The following SGK1 variants were observed in gnomAD, a reference collection of about 807,000 sequenced individuals.
SGK1 encodes the protein serine/threonine-protein kinase Sgk1.
In SGK1, 26 loss-of-function variants were observed where a neutral mutation model predicts 64.2. That is an observed-to-expected ratio of 0.40 (90% CI 0.30 to 0.56). The LOEUF is 0.56. Ranked by LOEUF, SGK1 falls within the 20% of genes least tolerant of loss-of-function variation. The probability of loss-of-function intolerance (pLI) is 0.38; values close to 1 mark genes in which losing one functional copy is unlikely to be tolerated. For missense variants in SGK1, 519 were observed against 645.6 expected (o/e 0.80, Z 2.12); for synonymous variants, 265 against 239.7 (o/e 1.11, Z -0.98).
chr6:134,267,650 T>C (rs895491701), intron 1 of SGK1, among the ~76,000 whole-genome samples: 7 of 152,032 alleles, frequency 4.6e-5, no homozygotes, highest in Non-Finnish European at 1.0e-4. Context: ...AAACTATAAG[T>C]AAGAAGGAAA....
chr6:134,242,430 G>A (rs989975626), intron 2 of SGK1, among the ~76,000 whole-genome samples: 7 of 151,878 alleles, frequency 4.6e-5, no homozygotes, highest in African/African-American at 7.3e-5. Flanking sequence ...AGGTTGCAGC[G>A]AGCTGAGATC....
At chr6:134,297,896 A>C in intron 1 of SGK1, 1 of 809,620 alleles carries the variant, frequency 1.2e-6, no homozygotes, top group Non-Finnish European at 2.2e-6. Context: ...TCTCAGCCTC[A>C]CTCCGGCTGC....
chr6:134,262,189 C>A (rs775259333), intron 1 of SGK1, 41 bp from the exon 2 acceptor site: 1 of 1,426,910 alleles, frequency 7.0e-7, no homozygotes, highest in South Asian at 1.3e-5. Flanking sequence ...ATGTGTTTGA[C>A]TCCCTTTGAT....
rs367639804 is a variant in SGK1 at position 134,170,807 on chromosome 6, A to T, written c.1413+19T>A. ...GCCCTTTGGGCTTCTCTATACTTAG[A>T]AGAGAGACAGATACTCACCACATTT... On this transcript the variant is annotated intron_variant, in intron 13 of 13. Transcript: ENST00000367858. 6.7e-7 allele frequency: 1 copy of T among 1,494,012 alleles called. No individual in the cohort carries two copies. Among genetic ancestry groups the T allele is most frequent in the Non-Finnish European group, 9.3e-7 (1 of 1,072,666 alleles). 92.5% of individuals were successfully genotyped at this position (1,494,012 alleles called of 1,614,324 possible). A position where few individuals can be genotyped will look rare whatever the true frequency, so the allele number is the denominator to read the frequency against.
rs75666578 is a variant in SGK1, at chr6:134,313,719, G to A, written c.69+3673C>T. The stretch of plus-strand genomic sequence containing the variant: ...CATTCCACATCCAAAATTCTGCAGC[G>A]TTAGATAGCCTTTCGAATTTTACAA... On this transcript the variant is annotated intron_variant, in intron 1 of 13. Transcript: ENST00000367858. 1.5e-3 allele frequency among the ~76,000 whole-genome samples: 224 copies of A among 152,210 alleles called. 1 individual carries two copies. Among genetic ancestry groups the A allele is most frequent in the African/African-American group, 5.1e-3 (211 of 41,550 alleles).
At chr6:134,174,408 C>G (rs1775140546) in intron 4 of SGK1, 103 bp downstream of exon 4, 2 of 770,686 alleles carry the variant, frequency 2.6e-6, no homozygotes, top group South Asian at 3.2e-5. Flanking sequence ...GATCCCCACC[C>G]CAGAAGAAGT....
chr6:134,296,781 A>AG (rs1224146023), intron 1 of SGK1, among the ~76,000 whole-genome samples: 1 of 147,550 alleles, frequency 6.8e-6, no homozygotes, highest in Non-Finnish European at 1.5e-5. Context: ...TGGACCAAAA[A>AG]AAAAAAAAAA....
At chr6:134,287,843 T>C (rs1335744898) in intron 1 of SGK1, among the ~76,000 whole-genome samples, 6 of 152,210 alleles carry the variant, frequency 3.9e-5, no homozygotes, top group African/African-American at 7.2e-5. Flanking sequence ...TTTTGTTTTG[T>C]TGTTAAAGTA....
intron 2 of SGK1, among the ~76,000 whole-genome samples, chr6:134,246,611 GAC>G (rs1365645498): frequency 6.6e-6 from 1 of 151,904 alleles, no homozygotes; most frequent in East Asian, 1.9e-4. Flanking sequence ...TTATTTATTT[GAC>G]ACAGAGTCTT....
intron 1 of SGK1, among the ~76,000 whole-genome samples, chr6:134,311,933 G>A (rs1200705163): frequency 6.6e-6 from 1 of 152,164 alleles, no homozygotes; most frequent in Non-Finnish European, 1.5e-5. Context: ...TAGTGACTTG[G>A]AGAATCTACC....
At chr6:134,311,514 G>A (rs1173988987) in intron 1 of SGK1, among the ~76,000 whole-genome samples, 1 of 152,104 alleles carries the variant, frequency 6.6e-6, no homozygotes, top group African/African-American at 2.4e-5. Flanking sequence ...AGCTGTGCAT[G>A]GTGGTGCACA....
At position 134,241,125 on chromosome 6, in the gene SGK1, C is replaced by T. The variant is rs980343668; in HGVS notation, c.285+20808G>A. Among the ~76,000 whole-genome samples, 5 of 149,036 alleles carry T rather than the reference C, an allele frequency of 3.4e-5. No homozygotes were observed. In the East Asian group the frequency reaches 9.8e-4, roughly 29 times the overall value. On this transcript the variant is annotated intron_variant, in intron 2 of 13. Transcript: ENST00000367858. Reference sequence around the variant, plus strand: ...AGTGCAGTGGCATGATCTCGGCTCACTGCAGTCTCAGACTCCCTGGCTCAA... The same window carrying T: ...AGTGCAGTGGCATGATCTCGGCTCATTGCAGTCTCAGACTCCCTGGCTCAA...
chr6:134,203,642 T>G (rs1775721774), intron 3 of SGK1, among the ~76,000 whole-genome samples: 1 of 152,170 alleles, frequency 6.6e-6, no homozygotes, highest in Non-Finnish European at 1.5e-5. Flanking sequence ...AAAGTAGGCT[T>G]TAGAAGATTG....
intron 1 of SGK1, among the ~76,000 whole-genome samples, chr6:134,288,210 G>A (rs1777214603): frequency 6.6e-6 from 1 of 152,192 alleles, no homozygotes; most frequent in Admixed American, 6.5e-5. Context: ...TGCCCTATGG[G>A]AAGGGCTACT....
intron 3 of SGK1, among the ~76,000 whole-genome samples, chr6:134,198,226 C>G (rs1775626529): frequency 6.6e-6 from 1 of 152,126 alleles, no homozygotes; most frequent in Non-Finnish European, 1.5e-5. Flanking sequence ...TAGTTATGAC[C>G]TGAGTAAACA....
chr6:134,170,288 G>A lies in SGK1; in HGVS notation c.1561C>T (p.Pro521Ser). The change falls in exon 14 of 14, where the codon CCC becomes TCC. Residue 521 changes from proline (P) to serine (S), a missense_variant. This residue lies in a region of SGK1 where 278 missense variants were observed against 408.7 expected (regional missense o/e 0.68). Coordinates refer to ENST00000367858, the MANE Select transcript of SGK1 (RefSeq NM_001143676.3). ...EAFLGFSYAP[P>S]TDSFL ...AGGGTTCAGAGGAAAGAGTCCGTGG[G>A]AGGCGCATAGGAAAAGCCTAGGAAA... The A allele has an allele frequency of 1.2e-6, 2 of 1,613,346 alleles. No homozygotes were observed. The highest frequency in any genetic ancestry group is 1.7e-6 in the Non-Finnish European group (2 of 1,179,478).
rs545898228 is a variant in SGK1 at position 134,240,055 on chromosome 6, G to A, written c.285+21878C>T. On this transcript the variant is annotated intron_variant, in intron 2 of 13. Transcript: ENST00000367858. ...GCCTGTAATCCCAGCACGTTGGGGG[G>A]CCATGATGTGCGGATCACTTGAGGC... 2.6e-5 allele frequency among the ~76,000 whole-genome samples: 4 copies of A among 152,290 alleles called. No homozygotes were observed. In the East Asian group the frequency reaches 5.8e-4, roughly 22 times the overall value.
At chr6:134,267,458 C>T (rs1055991132) in intron 1 of SGK1, among the ~76,000 whole-genome samples, 7 of 151,852 alleles carry the variant, frequency 4.6e-5, no homozygotes, top group Admixed American at 6.6e-5. Flanking sequence ...CCACCACGTT[C>T]GGCTATTTAT....
intron 3 of SGK1, among the ~76,000 whole-genome samples, chr6:134,197,802 G>C (rs968669722): frequency 3.4e-5 from 5 of 147,316 alleles, no homozygotes; most frequent in African/African-American, 1.3e-4. Context: ...AGCACTGCCT[G>C]GGCGACAAAG....
Sources: allele counts gnomAD v4.1 joint callset (sites outside exome capture counted in the v4.1 genomes callset), GRCh38; gene constraint gnomAD v4.1.1; regional missense constraint gnomAD v4.1.1; transcripts MANE v1.5; gene names NCBI Gene and HGNC (gene_info 2026-07-23, HGNC 2026-07-21).